The following GRM7 variants were observed in gnomAD, a reference collection of about 807,000 sequenced individuals.
The protein encoded by GRM7 is glutamate metabotropic receptor 7, also known as metabotropic glutamate receptor 7.
GRM7 carries 35 observed loss-of-function variants against 84.5 expected under a neutral mutation model. The observed-to-expected ratio is 0.41, with a 90% confidence interval of 0.32 to 0.55. The LOEUF is 0.55. Among genes scored for constraint, GRM7 ranks in the 20% least tolerant of loss-of-function variants. The pLI, the probability that GRM7 is intolerant of heterozygous loss-of-function variation, is 0.19. For synonymous variants in GRM7, 487 were observed against 455.1 expected (o/e 1.07, Z -0.89); for missense variants, 1,003 against 1,194.6 (o/e 0.84, Z 2.36).
intron 1 of GRM7, among the ~76,000 whole-genome samples, chr3:6,926,402 C>A (rs1266605792): frequency 1.3e-5 from 2 of 152,164 alleles, no homozygotes; most frequent in Non-Finnish European, 2.9e-5. Context: ...ATTATAAGTA[C>A]TGAGCATTAT....
chr3:7,108,949 T>C (rs1692750154), intron 1 of GRM7, among the ~76,000 whole-genome samples: 1 of 152,098 alleles, frequency 6.6e-6, no homozygotes, highest in South Asian at 2.1e-4. Context: ...ATTGGAGGTT[T>C]CAAAATTTAT....
At chr3:6,972,444 C>A (rs9865821) in intron 1 of GRM7, among the ~76,000 whole-genome samples, 90,468 of 151,994 alleles carry the variant, frequency 0.6, 28,753 homozygotes, top group African/African-American at 0.8. Context: ...GCTCAGAAAT[C>A]CATAATGATA....
At position 7,526,029 on chromosome 3, in the gene GRM7, G is replaced by T. The variant is rs369511463; in HGVS notation, c.1516-52393G>T. Among the ~76,000 whole-genome samples, 59 of 152,166 alleles carry T rather than the reference G, an allele frequency of 3.9e-4. 1 individual carries two copies. Among genetic ancestry groups the T allele is most frequent in the African/African-American group, 1.3e-3 (55 of 41,534 alleles). ...AACATATGAGTACATGTGTCTTTTTGATAGCATGATTTATTTTTCTTTGGG... is the reference window on the plus strand; with the variant it reads ...AACATATGAGTACATGTGTCTTTTTTATAGCATGATTTATTTTTCTTTGGG... On this transcript the variant is annotated intron_variant, in intron 7 of 9. Coordinates refer to ENST00000357716, the MANE Select transcript of GRM7 (RefSeq NM_000844.4).
At chr3:7,334,224 A>T (rs570903146) in intron 4 of GRM7, among the ~76,000 whole-genome samples, 42 of 152,234 alleles carry the variant, frequency 2.8e-4, no homozygotes, top group African/African-American at 9.4e-4. Flanking sequence ...TCACCTGTAA[A>T]GGAAAACCTA....
intron 4 of GRM7, among the ~76,000 whole-genome samples, chr3:7,319,123 A>G (rs1003186982): frequency 2.0e-5 from 3 of 152,068 alleles, no homozygotes; most frequent in East Asian, 1.9e-4. Context: ...AAAGGAACCC[A>G]TGATTAATTT....
At chr3:7,564,947 G>A (rs1694192637) in intron 7 of GRM7, among the ~76,000 whole-genome samples, 1 of 152,160 alleles carries the variant, frequency 6.6e-6, no homozygotes. Flanking sequence ...GTCCTTGGCT[G>A]CAGATTGCAC....
intron 5 of GRM7, among the ~76,000 whole-genome samples, chr3:7,416,792 C>G (rs780436945): frequency 3.4e-4 from 51 of 151,980 alleles, no homozygotes; most frequent in Non-Finnish European, 6.2e-4. Flanking sequence ...TTAATATTGA[C>G]TAGACCTAGG....
chr3:7,129,242 C>G (rs1343287081), intron 1 of GRM7, among the ~76,000 whole-genome samples: 1 of 152,174 alleles, frequency 6.6e-6, no homozygotes, highest in Non-Finnish European at 1.5e-5. Flanking sequence ...TGCCTACTTA[C>G]TTTGTCTTCT....
At chr3:6,923,288 T>C (rs1697187864) in intron 1 of GRM7, among the ~76,000 whole-genome samples, 1 of 151,706 alleles carries the variant, frequency 6.6e-6, no homozygotes, top group Non-Finnish European at 1.5e-5. Context: ...CTGCTGGGAT[T>C]ACAGGCGTGA....
At position 7,292,531 on chromosome 3, in the gene GRM7, A is replaced by G. The variant is rs769923107; in HGVS notation, c.737-6153A>G. ...ACTCATGAGGTGCTGTAATCATTGA[A>G]TGTGTTAATAGATAAGCAGTACTTA... On this transcript the variant is annotated intron_variant, in intron 2 of 9. Transcript: ENST00000357716. Among the ~76,000 whole-genome samples, 185 of 152,124 alleles carry G rather than the reference A, an allele frequency of 1.2e-3. 1 individual carries two copies. Among genetic ancestry groups the G allele is most frequent in the Non-Finnish European group, 1.7e-3 (114 of 67,988 alleles).
chr3:7,178,323 C>G (rs991248778), intron 2 of GRM7, among the ~76,000 whole-genome samples: 1 of 151,912 alleles, frequency 6.6e-6, no homozygotes, highest in South Asian at 2.1e-4. Flanking sequence ...TTCTGCCACT[C>G]TCTTCCTGAC....
At chr3:7,219,521 G>A (rs1696728641) in intron 2 of GRM7, among the ~76,000 whole-genome samples, 1 of 152,152 alleles carries the variant, frequency 6.6e-6, no homozygotes, top group African/African-American at 2.4e-5. Flanking sequence ...TGTTGGAGTG[G>A]GAGTTTACAG....
At chr3:6,966,083 C>T (rs552204416) in intron 1 of GRM7, among the ~76,000 whole-genome samples, 10 of 152,150 alleles carry the variant, frequency 6.6e-5, no homozygotes, top group Non-Finnish European at 1.0e-4. Flanking sequence ...GAGTGCTATA[C>T]GAAATGCCCT....
At chr3:7,063,672 C>A (rs906079767) in intron 1 of GRM7, among the ~76,000 whole-genome samples, 2 of 151,616 alleles carry the variant, frequency 1.3e-5, no homozygotes, top group African/African-American at 4.8e-5. Flanking sequence ...ACACATACAC[C>A]AACTGGAAAA....
intron 1 of GRM7, among the ~76,000 whole-genome samples, chr3:7,143,779 C>T (rs1476696282): frequency 1.3e-5 from 2 of 152,114 alleles, no homozygotes; most frequent in Non-Finnish European, 1.5e-5. Flanking sequence ...AAGGCATCTG[C>T]GCAACAGCAT....
intron 5 of GRM7, among the ~76,000 whole-genome samples, chr3:7,450,544 C>A (rs1245973179): frequency 6.6e-6 from 1 of 152,062 alleles, no homozygotes; most frequent in Non-Finnish European, 1.5e-5. Flanking sequence ...AGAATGTTAT[C>A]TGTATATTAT....
chr3:7,054,397 T>A (rs1471631580), intron 1 of GRM7, among the ~76,000 whole-genome samples: 1 of 150,608 alleles, frequency 6.6e-6, no homozygotes, highest in African/African-American at 2.4e-5. Flanking sequence ...ATATATATCA[T>A]AAAAGATAAG....
Position 7,579,251 on chromosome 3 carries a change from A to C in GRM7, c.2345A>C (p.Glu782Ala). The part of the protein sequence containing the change: ...VYAIKTRGVP[E>A]NFNEAKPIGF... ...GCCATCAAGACTCGGGGTGTACCCGAGAATTTTAACGAAGCCAAGCCCATT... is the reference window on the plus strand; with the variant it reads ...GCCATCAAGACTCGGGGTGTACCCGCGAATTTTAACGAAGCCAAGCCCATT... The change falls in exon 8 of 10, where the codon GAG becomes GCG. Residue 782 changes from glutamate to alanine, a missense_variant. This residue lies in a region of GRM7 where 910 missense variants were observed against 1,126.0 expected (regional missense o/e 0.81). Transcript: ENST00000357716. 1 of 1,613,860 alleles carries C rather than the reference A, an allele frequency of 6.2e-7. No individual in the cohort carries two copies. Among genetic ancestry groups the C allele is most frequent in the Non-Finnish European group, 8.5e-7 (1 of 1,179,744 alleles).
chr3:7,607,652 C>G (rs150067326), intron 8 of GRM7: 6 of 146,528 alleles, frequency 4.1e-5, no homozygotes, highest in African/African-American at 7.6e-5. Context: ...GGCTGGGGAG[C>G]GGGGGGCGAA....
Sources: allele counts gnomAD v4.1 joint callset (sites outside exome capture counted in the v4.1 genomes callset), GRCh38; gene constraint gnomAD v4.1.1; regional missense constraint gnomAD v4.1.1; transcripts MANE v1.5; gene names NCBI Gene and HGNC (gene_info 2026-07-23, HGNC 2026-07-21).